Variants in GGH observed in about 807,000 individuals in gnomAD.
The protein encoded by GGH is gamma-Glu-X carboxypeptidase.
In GGH, 18 loss-of-function variants were observed where a neutral mutation model predicts 39.2. The ratio of observed to expected loss-of-function variants is 0.46; its 90% CI spans 0.32 to 0.68. The LOEUF is 0.68. Ranked by LOEUF, GGH falls within the 30% of genes least tolerant of loss-of-function variation. GGH has a pLI of 0.04. For missense variants in GGH, 367 were observed against 384.1 expected (o/e 0.96, Z 0.37); for synonymous variants, 147 against 138.8 (o/e 1.06, Z -0.42).
chr8:63,029,296 TG>T (rs1804758625), intron 3 of GGH, among the ~76,000 whole-genome samples: 1 of 152,134 alleles, frequency 6.6e-6, no homozygotes, highest in South Asian at 2.1e-4. Flanking sequence ...TCACGTGCCT[TG>T]CCTTTTTCAC....
chr8:63,025,756 A>T, intron 5 of GGH, among the ~76,000 whole-genome samples: 1 of 152,196 alleles, frequency 6.6e-6, no homozygotes, highest in Middle Eastern at 3.4e-3. Context: ...AATCTTATTT[A>T]ATATTCACAA....
At chr8:63,031,310 G>A (rs1348804526) in intron 2 of GGH, among the ~76,000 whole-genome samples, 1 of 152,188 alleles carries the variant, frequency 6.6e-6, no homozygotes, top group Admixed American at 6.5e-5. Context: ...TCTCTTCCTG[G>A]CGAGAGCCAC....
intron 7 of GGH, among the ~76,000 whole-genome samples, chr8:63,023,141 C>T (rs1057278566): frequency 4.6e-5 from 7 of 152,172 alleles, no homozygotes; most frequent in Admixed American, 2.6e-4. Flanking sequence ...TTGCTTCAGC[C>T]TCACACATGA....
intron 2 of GGH, among the ~76,000 whole-genome samples, chr8:63,033,991 A>ATG (rs2129679144): frequency 6.8e-6 from 1 of 146,338 alleles, no homozygotes; most frequent in Non-Finnish European, 1.5e-5. Context: ...CCTTATATAT[A>ATG]TATATATATG....
At chr8:63,026,534 T>C (rs1585669889) in intron 4 of GGH, among the ~76,000 whole-genome samples, 2 of 152,180 alleles carry the variant, frequency 1.3e-5, no homozygotes, top group South Asian at 2.1e-4. Context: ...TAAAAGCCTA[T>C]AGATTACTGA....
chr8:63,027,164 C>T lies in GGH; in HGVS notation c.360+17G>A, dbSNP rs1429391188. ...ACAGAAACCCATCTGGAATAATAAG[C>T]AATAACTGATATTTACCTGTATGGA... is the stretch of plus-strand genomic sequence containing the variant. On this transcript the variant is annotated intron_variant, in intron 4 of 8. Transcript: ENST00000260118. 4 of 1,133,878 alleles carry T rather than the reference C, an allele frequency of 3.5e-6. No homozygotes were observed. Among genetic ancestry groups the T allele is most frequent in the Admixed American group, 3.4e-5 (2 of 59,028 alleles). 70.2% of individuals were successfully genotyped at this position (1,133,878 alleles called of 1,614,324 possible). A position where few individuals can be genotyped will look rare whatever the true frequency, so the allele number is the denominator to read the frequency against.
intron 3 of GGH, 126 bp downstream of exon 3, chr8:63,030,041 C>G (rs1327303313): frequency 7.8e-6 from 4 of 510,616 alleles, no homozygotes; most frequent in Non-Finnish European, 1.4e-5. Flanking sequence ...GAACTCAGAA[C>G]ACTAATACTA....
chr8:63,038,629 C>A (rs944135091), intron 1 of GGH, 31 bp downstream of exon 1: 3 of 1,242,072 alleles, frequency 2.4e-6, no homozygotes, highest in East Asian at 2.7e-5. Flanking sequence ...AGCTCCTCCC[C>A]GTCTGCTGCG....
chr8:63,036,429 A>G (rs1269130236), intron 1 of GGH, among the ~76,000 whole-genome samples: 2 of 152,216 alleles, frequency 1.3e-5, no homozygotes, highest in Non-Finnish European at 2.9e-5. Flanking sequence ...TGAACCAAAC[A>G]AAAGCCCCTG....
At position 63,030,194 on chromosome 8, in the gene GGH, T is replaced by C. The variant is rs1804777846; in HGVS notation, c.248A>G (p.Tyr83Cys). 2 of 1,450,120 alleles carry C rather than the reference T, an allele frequency of 1.4e-6. No individual in the cohort carries two copies. The highest frequency in any genetic ancestry group is 1.7e-5 in the Admixed American group (1 of 59,522). 89.8% of individuals were successfully genotyped at this position (1,450,120 alleles called of 1,614,324 possible). ...ATTAATAGATTTGAAAAGTATTTCA[T>C]AGTCTTTCTCTGTAAGATCCAGCCT... is the stretch of plus-strand genomic sequence containing the variant. ...PVRLDLTEKD[Y>C]EILFKSINGI... Residue 83 changes from tyrosine to cysteine, a missense_variant, in exon 3 of 9, where the codon TAT becomes TGT. By Grantham distance (194) the Tyr-to-Cys change is radical (BLOSUM62 -2). Coordinates refer to ENST00000260118, the MANE Select transcript of GGH (RefSeq NM_003878.3).
rs781708822 is a variant in GGH at position 63,015,345 on chromosome 8, T to A, written c.944A>T (p.Tyr315Phe). ...AATTGAAGACTTTCAATCAAATATG[T>A]AACATTGCTGAAATGAAGAAATATT... Reference protein sequence around the residue: ...TGNISSFQQCYIFD With the variant: ...TGNISSFQQCFIFD Residue 315 changes from tyrosine (Y) to phenylalanine (F), a missense_variant, in exon 9 of 9, where the codon TAC (tyrosine) becomes TTC (phenylalanine). Physicochemically the swap from Tyr to Phe is conservative, Grantham distance 22. Transcript: ENST00000260118. 3.6e-6 allele frequency: 5 copies of A among 1,398,850 alleles called. No individual in the cohort carries two copies. Among genetic ancestry groups the A allele is most frequent in the Non-Finnish European group, 4.0e-6 (4 of 1,005,096 alleles). The allele number at this position is 1,398,850 out of a possible 1,614,324, so 86.7% of individuals were successfully genotyped here.
chr8:63,036,980 C>A (rs1225870647), intron 1 of GGH, among the ~76,000 whole-genome samples: 1 of 152,160 alleles, frequency 6.6e-6, no homozygotes, highest in Non-Finnish European at 1.5e-5. Flanking sequence ...CCAGCCCCAG[C>A]AGAGTATAGC....
At chr8:63,022,191 C>T (rs919459705) in intron 7 of GGH, among the ~76,000 whole-genome samples, 6 of 152,038 alleles carry the variant, frequency 3.9e-5, no homozygotes, top group Non-Finnish European at 7.4e-5. Context: ...AAAACTCCTT[C>T]CCTCAAACAA....
chr8:63,035,803 A>G (rs754146055), intron 1 of GGH, 33 bp from the exon 2 acceptor site: 1 of 1,552,816 alleles, frequency 6.4e-7, no homozygotes, highest in South Asian at 1.2e-5. Context: ...TTTCAAGCAA[A>G]TTCCTTTTCT....
At chr8:63,032,315 C>T (rs867488435) in intron 2 of GGH, among the ~76,000 whole-genome samples, 2 of 152,156 alleles carry the variant, frequency 1.3e-5, no homozygotes, top group Non-Finnish European at 2.9e-5. Context: ...GGATAATAGA[C>T]GTGAGCCACC....
intron 8 of GGH, chr8:63,017,284 T>G: frequency 2.2e-6 from 1 of 457,198 alleles, no homozygotes; most frequent in Non-Finnish European, 3.8e-6. Flanking sequence ...GCATGTATGA[T>G]AATTGAAGTA....
Position 63,023,981 on chromosome 8 carries a change from T to G in GGH, c.623A>C (p.Glu208Ala). The change falls in exon 7 of 9, where the codon GAA becomes GCA. Residue 208 changes from glutamate to alanine, a missense_variant. Physicochemically the swap from Glu to Ala is moderately radical, Grantham distance 107 (BLOSUM62 -1). Transcript: ENST00000260118. ...SLSVKNFTMNEKLKKFFNVLT... is the reference protein window; with the variant it reads ...SLSVKNFTMNAKLKKFFNVLT... The stretch of plus-strand genomic sequence containing the variant: ...GACATTGAAAAACTTCTTTAACTTT[T>G]CATTCATTGTAAAATTCTAGAATAC... The G allele has an allele frequency of 2.5e-6, 4 of 1,586,050 alleles. No homozygotes were observed. The highest frequency in any genetic ancestry group is 3.4e-4 in the Middle Eastern group (2 of 5,962).
At position 63,027,230 on chromosome 8, in the gene GGH, C is replaced by T. The variant is rs564440258; in HGVS notation, c.311G>A (p.Arg104His). ...TTTGGCCACTTTAGCATAATCTGAG[C>T]GTCTGAGGTCAACACTTCCTCCAGG... is the stretch of plus-strand genomic sequence containing the variant. Reference protein sequence around the residue: ...LFPGGSVDLRRSDYAKVAKIF... With the variant: ...LFPGGSVDLRHSDYAKVAKIF... Residue 104 changes from arginine to histidine, a missense_variant, in exon 4 of 9, where the codon CGC becomes CAC. Arg to His is a conservative substitution (Grantham distance 29). Transcript: ENST00000260118. 1.9e-5 allele frequency: 30 copies of T among 1,594,970 alleles called. No homozygotes were observed. Among genetic ancestry groups the T allele is most frequent in the East Asian group, 4.5e-5 (2 of 44,766 alleles).
chr8:63,030,255 T>G (rs1451311641), intron 2 of GGH, 38 bp from the exon 3 acceptor site: 1 of 1,010,140 alleles, frequency 9.9e-7, no homozygotes, highest in Admixed American at 1.8e-5. Context: ...TTTGTGAAAC[T>G]TAGAAGTAAA....
Sources: gnomAD v4.1 joint callset for allele counts (sites outside exome capture counted in the v4.1 genomes callset) on GRCh38, gnomAD v4.1.1 for gene constraint, MANE v1.5 for transcripts, NCBI Gene and HGNC (gene_info 2026-07-23, HGNC 2026-07-21) for gene names.